Variants in ANKS1B observed in about 807,000 individuals in gnomAD.
ANKS1B encodes ankyrin repeat and sterile alpha motif domain-containing protein 1B.
In ANKS1B, 36 loss-of-function variants were observed where a neutral mutation model predicts 148.3. The ratio of observed to expected loss-of-function variants is 0.24; its 90% CI spans 0.19 to 0.32. ANKS1B has a LOEUF of 0.32. Among genes scored for constraint, ANKS1B ranks in the 10% least tolerant of loss-of-function variants. The pLI is 1.00. For missense variants in ANKS1B, 1,157 were observed against 1,542.6 expected (o/e 0.75, Z 4.19); for synonymous variants, 542 against 560.8 (o/e 0.97, Z 0.47).
intron 17 of ANKS1B, among the ~76,000 whole-genome samples, chr12:98,885,698 T>C (rs2099738186): frequency 6.6e-6 from 1 of 151,984 alleles, no homozygotes; most frequent in African/African-American, 2.4e-5. Context: ...TTTGGTGAAA[T>C]AAAGGCTGAT....
intron 10 of ANKS1B, among the ~76,000 whole-genome samples, chr12:99,487,035 G>C (rs2096498996): frequency 6.6e-6 from 1 of 152,144 alleles, no homozygotes; most frequent in African/African-American, 2.4e-5. Context: ...AAATGCACCA[G>C]GGCTGATTGT....
chr12:98,904,860 C>CT (rs5800371), intron 17 of ANKS1B, among the ~76,000 whole-genome samples: 75 of 150,760 alleles, frequency 5.0e-4, no homozygotes, highest in Non-Finnish European at 5.6e-4. Flanking sequence ...TTCAGTATCA[C>CT]TTTTTTTTTT....
intron 15 of ANKS1B, among the ~76,000 whole-genome samples, chr12:99,086,115 C>T (rs1215405767): frequency 2.0e-5 from 3 of 152,148 alleles, no homozygotes; most frequent in Non-Finnish European, 4.4e-5. Flanking sequence ...TTATTCCTTC[C>T]AGTCCCGTGA....
chr12:99,321,347 C>T (rs1213774809), intron 12 of ANKS1B, among the ~76,000 whole-genome samples: 1 of 152,230 alleles, frequency 6.6e-6, no homozygotes, highest in African/African-American at 2.4e-5. Flanking sequence ...CTGCAGTGGG[C>T]TCCACCCAGT....
chr12:99,329,885 G>A (rs978329070), intron 12 of ANKS1B, among the ~76,000 whole-genome samples: 4 of 151,724 alleles, frequency 2.6e-5, no homozygotes, highest in Non-Finnish European at 4.4e-5. Flanking sequence ...AAATCTACAT[G>A]TTTACATCAT....
intron 15 of ANKS1B, among the ~76,000 whole-genome samples, chr12:99,143,170 G>A (rs990051942): frequency 6.6e-6 from 1 of 152,062 alleles, no homozygotes; most frequent in African/African-American, 2.4e-5. Flanking sequence ...CTTTCAATAT[G>A]AATTCTAATT....
intron 12 of ANKS1B, among the ~76,000 whole-genome samples, chr12:99,378,955 A>C (rs543631658): frequency 1.3e-5 from 2 of 152,114 alleles, no homozygotes; most frequent in East Asian, 3.9e-4. Context: ...ATGTACCTAT[A>C]CTCTTCCATC....
chr12:98,898,315 C>T (rs1450171145), intron 17 of ANKS1B, among the ~76,000 whole-genome samples: 1 of 152,122 alleles, frequency 6.6e-6, no homozygotes, highest in African/African-American at 2.4e-5. Context: ...TATATTAAAA[C>T]ATAAAGATCT....
intron 9 of ANKS1B, among the ~76,000 whole-genome samples, chr12:99,573,379 TA>T (rs1347990498): frequency 1.3e-5 from 2 of 152,240 alleles, no homozygotes; most frequent in South Asian, 2.1e-4. Flanking sequence ...TTGATTTTTT[TA>T]AAAAATTGGT....
chr12:99,091,689 T>C (rs113936994), intron 15 of ANKS1B, among the ~76,000 whole-genome samples: 1 of 152,212 alleles, frequency 6.6e-6, no homozygotes, highest in Non-Finnish European at 1.5e-5. Flanking sequence ...TCCTTCAACT[T>C]TCACACTGAT....
At chr12:99,666,847 G>GT (rs1219005722) in intron 8 of ANKS1B, among the ~76,000 whole-genome samples, 6 of 142,914 alleles carry the variant, frequency 4.2e-5, no homozygotes, top group Admixed American at 2.8e-4. Flanking sequence ...ACGTCATATA[G>GT]TTACTATGGG....
At chr12:98,894,715 C>T in intron 17 of ANKS1B, 3 of 985,618 alleles carry the variant, frequency 3.0e-6, no homozygotes, top group Non-Finnish European at 2.4e-6. Flanking sequence ...TGGCTTGAAC[C>T]TCCGCTCCCC....
chr12:99,328,177 A>C (rs2086841622), intron 12 of ANKS1B, among the ~76,000 whole-genome samples: 1 of 152,026 alleles, frequency 6.6e-6, no homozygotes, highest in African/African-American at 2.4e-5. Context: ...GAGAAACAGC[A>C]AACAAGTTGA....
chr12:98,829,103 G>T lies in ANKS1B; in HGVS notation c.3066+71C>A. 6.5e-7 allele frequency: 1 copy of T among 1,534,898 alleles called. No individual in the cohort carries two copies. The highest frequency in any genetic ancestry group is 9.0e-7 in the Non-Finnish European group (1 of 1,114,402). ...CACGGACAATAAGCATCCATAGGAA[G>T]CTACTGTTCACTATTAAAAGGCATT... On this transcript the variant is annotated intron_variant, in intron 19 of 26. Coordinates refer to ENST00000683438, the MANE Select transcript of ANKS1B (RefSeq NM_001352186.2). This position sits in a 1 kb window ranked among gnomAD's most constrained non-coding sequence, Gnocchi z 5.2.
In ANKS1B at chr12:99,760,971, A is replaced by C. The variant is rs756405074; in HGVS notation, c.1128+11951T>G. 3.4e-5 allele frequency among the ~76,000 whole-genome samples: 5 copies of C among 149,170 alleles called. No individual in the cohort carries two copies. In the East Asian group the frequency reaches 5.9e-4, roughly 17 times the overall value. ...GAAGTAGATAAATTCCTGGAAATAC[A>C]CCATATCCCAGGGTTAAATCAGGAA... On this transcript the variant is annotated intron_variant, in intron 8 of 26. Transcript: ENST00000683438.
intron 17 of ANKS1B, among the ~76,000 whole-genome samples, chr12:99,016,080 T>C (rs1429225439): frequency 6.6e-6 from 1 of 152,206 alleles, no homozygotes; most frequent in Non-Finnish European, 1.5e-5. Flanking sequence ...TTAATAGATA[T>C]CTCAGGTAGA....
chr12:99,210,797 T>C lies in ANKS1B; in HGVS notation c.2419+33545A>G, dbSNP rs950944931. Among the ~76,000 whole-genome samples, 4 of 152,224 alleles carry C rather than the reference T, an allele frequency of 2.6e-5. No homozygotes were observed. In the East Asian group the frequency reaches 5.8e-4, roughly 22 times the overall value. On this transcript the variant is annotated intron_variant, in intron 14 of 26. Transcript: ENST00000683438. ...TCATTAAGACCCTGGCTAAGGTGCA[T>C]ACTCCAAACTCTTGGCATTCCTAAT...
At chr12:99,802,912 TAA>T (rs11322453) in intron 4 of ANKS1B, among the ~76,000 whole-genome samples, 1,696 of 141,700 alleles carry the variant, frequency 0.012, 28 homozygotes, top group African/African-American at 0.036. Context: ...ACCCTGCCTT[TAA>T]AAAAAAAAAA....
chr12:99,449,940 TATCTATCTAGAC>T (rs2095703361), intron 10 of ANKS1B, among the ~76,000 whole-genome samples: 1 of 112,452 alleles, frequency 8.9e-6, no homozygotes, highest in African/African-American at 3.6e-5. Flanking sequence ...TCTATCTATC[TATCTATCTAGAC>T]AAAGATTTAC....
Sources: allele counts gnomAD v4.1 joint callset (sites outside exome capture counted in the v4.1 genomes callset), GRCh38; gene constraint gnomAD v4.1.1; non-coding constraint Gnocchi (gnomAD v3.1); transcripts MANE v1.5; gene names NCBI Gene and HGNC (gene_info 2026-07-23, HGNC 2026-07-21).